Variants in SLC12A3 observed in about 807,000 individuals in gnomAD.
SLC12A3 encodes solute carrier family 12 member 3, also known as Na-Cl cotransporter.
Under a neutral mutation model 121.0 loss-of-function variants are expected in SLC12A3, and 104 were observed. The ratio of observed to expected loss-of-function variants is 0.86; its 90% confidence interval spans 0.73 to 1.01. SLC12A3 has a LOEUF of 1.01. SLC12A3 is among the 50% of genes least tolerant of loss of function. SLC12A3 has a pLI of 0.00. For synonymous variants in SLC12A3, 536 were observed against 533.4 expected (o/e 1.00, Z -0.07); for missense variants, 1,328 against 1,356.3 (o/e 0.98, Z 0.33).
At chr16:56,869,584 C>T (rs2055060522) in intron 3 of SLC12A3, 145 bp from the exon 4 acceptor site, 1 of 727,472 alleles carries the variant, frequency 1.4e-6, no homozygotes, top group African/African-American at 1.7e-5. Flanking sequence ...CCTCGGCCTC[C>T]CAAAGTGACA....
chr16:56,898,216 G>A lies in SLC12A3; in HGVS notation c.2634-1314G>A, dbSNP rs372597653. 2.4e-4 allele frequency among the ~76,000 whole-genome samples: 36 copies of A among 152,240 alleles called. No homozygotes were observed. The East Asian group carries it at 4.8e-3, about 20-fold the overall frequency. ...AATGATGGGCAAGGGGTTGGGGGGA[G>A]GGCCCAGGCAGGTGTATTTTTTTGT... On this transcript the variant is annotated intron_variant, in intron 22 of 25. Transcript: ENST00000563236.
chr16:56,877,399 A>G (rs1291172754), intron 8 of SLC12A3, among the ~76,000 whole-genome samples: 3 of 152,140 alleles, frequency 2.0e-5, no homozygotes, highest in Non-Finnish European at 4.4e-5. Flanking sequence ...CTGTCTCAAA[A>G]AAAAAATAAA....
chr16:56,892,862 A>G, intron 20 of SLC12A3, 91 bp from the exon 21 acceptor site: 1 of 992,004 alleles, frequency 1.0e-6, no homozygotes, highest in Non-Finnish European at 1.6e-6. Context: ...CCCGTGTTCA[A>G]CATCAGAAGG....
At chr16:56,909,237 T>C (rs185740961) in intron 25 of SLC12A3, among the ~76,000 whole-genome samples, 8 of 151,488 alleles carry the variant, frequency 5.3e-5, no homozygotes, top group Admixed American at 2.6e-4. Flanking sequence ...GGCTGAAGGA[T>C]TGATCGAGCC....
Position 56,884,149 on chromosome 16 carries a change from C to T in SLC12A3, c.1770C>T (p.Leu590=). ...TCCTCCTCACCTGGTGGGCGGCCCT[C>T]ATCGCCATTGGCGTGGTGCTCTTCC... ...IMFLLTWWAA[L]IAIGVVLFLL... Residue 590 remains leucine (L), a synonymous_variant, in exon 14 of 26, where the codon CTC becomes CTT. Transcript: ENST00000563236. The T allele has an allele frequency of 6.2e-7, 1 of 1,614,216 alleles. No individual in the cohort carries two copies. Among genetic ancestry groups the T allele is most frequent in the Non-Finnish European group, 8.5e-7 (1 of 1,180,026 alleles).
At chr16:56,891,543 G>A (rs1395078336) in intron 19 of SLC12A3, among the ~76,000 whole-genome samples, 7 of 152,094 alleles carry the variant, frequency 4.6e-5, no homozygotes, top group African/African-American at 1.4e-4. Flanking sequence ...TCTGGCACAC[G>A]GATGCCACCA....
rs147901432 is a variant in SLC12A3 at position 56,885,364 on chromosome 16, G to A, written c.1925G>A (p.Arg642His). The A allele has an allele frequency of 2.8e-5, 44 of 1,543,980 alleles. No individual in the cohort carries two copies. The highest frequency in any genetic ancestry group is 1.7e-4 in the Middle Eastern group (1 of 5,960). ...GTGGAAGACCACATCAAGAACTACC[G>A]GTGAGCAGAGCTGCTGGGACCCACC... ...NEVEDHIKNY[R>H]PQCLVLTGPP... Residue 642 changes from arginine (R) to histidine (H), a missense_variant and splice_region_variant, in exon 15 of 26, where the codon CGC becomes CAC. Arg to His is a conservative substitution (Grantham distance 29). Coordinates refer to ENST00000563236, the MANE Select transcript of SLC12A3 (RefSeq NM_001126108.2).
Position 56,880,192 on chromosome 16 carries a change from C to T in SLC12A3, c.1506C>T (p.Asn502=). The T allele has an allele frequency of 6.2e-7, 1 of 1,600,984 alleles. No individual in the cohort carries two copies. Among genetic ancestry groups the T allele is most frequent in the Non-Finnish European group, 8.5e-7 (1 of 1,174,758 alleles). The change falls in exon 12 of 26, where the codon AAC becomes AAT. Residue 502 remains asparagine, a synonymous_variant. Coordinates refer to ENST00000563236, the MANE Select transcript of SLC12A3 (RefSeq NM_001126108.2). ...IGFFGKGYGK[N]KEPVRGYLLA... is the part of the protein sequence containing the mutation. ...TCTTCGGCAAAGGCTATGGCAAGAA[C>T]AAGGAGCCCGTGCGTGGCTACCTGC...
At chr16:56,891,423 C>T (rs1308935303) in intron 19 of SLC12A3, among the ~76,000 whole-genome samples, 16 of 142,288 alleles carry the variant, frequency 1.1e-4, no homozygotes, top group East Asian at 4.2e-4. Context: ...AAAGCAATAA[C>T]GTGTATGGCA....
At chr16:56,892,805 A>G in intron 20 of SLC12A3, 148 bp from the exon 21 acceptor site, 1 of 671,470 alleles carries the variant, frequency 1.5e-6, no homozygotes, top group Non-Finnish European at 2.7e-6. Flanking sequence ...GGCACATCAC[A>G]GCACTGAGCG....
Position 56,904,409 on chromosome 16 carries a change from G to A in SLC12A3, c.2871G>A (p.Val957=). ...CTCCCGCCCAGTCCCTTCGGCAGGT[G>A]AGGCTGAATGAGATTGTGCTGGATT... ...TKNRVKSLRQ[V]RLNEIVLDYS... Residue 957 remains valine, a synonymous_variant, in exon 25 of 26, where the codon GTG becomes GTA. Transcript: ENST00000563236. 6.2e-7 allele frequency: 1 copy of A among 1,614,046 alleles called. No individual in the cohort carries two copies. The highest frequency in any genetic ancestry group is 8.5e-7 in the Non-Finnish European group (1 of 1,179,880).
At chr16:56,897,932 A>G (rs1041085864) in intron 22 of SLC12A3, among the ~76,000 whole-genome samples, 6 of 152,152 alleles carry the variant, frequency 3.9e-5, no homozygotes, top group Non-Finnish European at 7.4e-5. Context: ...TCACTCCCCA[A>G]GATCAGGGAC....
intron 13 of SLC12A3, among the ~76,000 whole-genome samples, chr16:56,882,836 G>C (rs1398356273): frequency 6.6e-6 from 1 of 151,924 alleles, no homozygotes; most frequent in Non-Finnish European, 1.5e-5. Flanking sequence ...AAGCTATTCG[G>C]GAGGCTGAGG....
intron 20 of SLC12A3, 41 bp from the exon 21 acceptor site, chr16:56,892,912 C>A: frequency 6.4e-7 from 1 of 1,552,112 alleles, no homozygotes; most frequent in Non-Finnish European, 8.9e-7. Context: ...CCTGGATGCG[C>A]GGCTGCTGGC....
intron 18 of SLC12A3, among the ~76,000 whole-genome samples, chr16:56,888,933 C>T (rs1348537466): frequency 2.0e-5 from 3 of 152,104 alleles, no homozygotes; most frequent in African/African-American, 7.2e-5. Context: ...CCTGTGGGCT[C>T]CAGAAGGTGC....
At chr16:56,889,323 C>T (rs1456565840) in intron 18 of SLC12A3, among the ~76,000 whole-genome samples, 1 of 152,174 alleles carries the variant, frequency 6.6e-6, no homozygotes, top group African/African-American at 2.4e-5. Flanking sequence ...CCTGAAAGTT[C>T]CTTGTCCTGG....
At position 56,882,032 on chromosome 16, in the gene SLC12A3, G is replaced by A. The variant is rs546972833; in HGVS notation, c.1568-364G>A. ...CCACTGCACTCCAGCCTGGGTGACA[G>A]AGCGAGAGTCCGTCTCAAAAAAAAA... On this transcript the variant is annotated intron_variant, in intron 12 of 25. Transcript: ENST00000563236. 1.8e-4 allele frequency among the ~76,000 whole-genome samples: 26 copies of A among 147,006 alleles called. No homozygotes were observed. The South Asian group carries it at 5.7e-3, about 32-fold the overall frequency.
chr16:56,885,520 C>A (rs572010507), intron 15 of SLC12A3, among the ~76,000 whole-genome samples, 156 bp downstream of exon 15: 1 of 152,270 alleles, frequency 6.6e-6, no homozygotes, highest in East Asian at 1.9e-4. Flanking sequence ...AGCCACCCAG[C>A]CACCACAAGA....
At chr16:56,866,614 G>A (rs1217866486) in intron 1 of SLC12A3, among the ~76,000 whole-genome samples, 2 of 152,084 alleles carry the variant, frequency 1.3e-5, no homozygotes, top group Non-Finnish European at 2.9e-5. Context: ...GCTCTCCTAG[G>A]GGGAGGAGGT....
Sources: gnomAD v4.1 joint callset for allele counts (sites outside exome capture counted in the v4.1 genomes callset) on GRCh38, gnomAD v4.1.1 for gene constraint, MANE v1.5 for transcripts, NCBI Gene and HGNC (gene_info 2026-07-23, HGNC 2026-07-21) for gene names.